IQGAP1: variants seen among roughly 807,000 people sequenced by gnomAD.
IQGAP1 encodes the protein IQ motif containing GTPase activating protein 1, also known as ras GTPase-activating-like protein IQGAP1.
IQGAP1 carries 66 observed loss-of-function variants against 215.6 expected under a neutral mutation model. That is an observed-to-expected ratio of 0.31 (90% CI 0.25 to 0.38). IQGAP1 has a LOEUF of 0.38. IQGAP1 is among the 10% of genes least tolerant of loss of function. IQGAP1 has a pLI of 1.00. For missense variants in IQGAP1, 1,712 were observed against 1,997.1 expected (o/e 0.86, Z 2.72); for synonymous variants, 772 against 728.7 (o/e 1.06, Z -0.96).
intron 3 of IQGAP1, among the ~76,000 whole-genome samples, chr15:90,427,241 C>A (rs1965236392): frequency 6.6e-6 from 1 of 151,858 alleles, no homozygotes. Flanking sequence ...CCACCTGTCT[C>A]TTAAAAAAAG....
chr15:90,486,854 A>G (rs963072195), intron 31 of IQGAP1, 100 bp from the exon 32 acceptor site: 4 of 1,200,436 alleles, frequency 3.3e-6, no homozygotes, highest in Non-Finnish European at 4.8e-6. Flanking sequence ...AGGTGATTCA[A>G]GTATTATCTT....
At chr15:90,440,636 TG>T in intron 7 of IQGAP1, 21 bp downstream of exon 7, 1 of 1,405,852 alleles carries the variant, frequency 7.1e-7, no homozygotes, top group Non-Finnish European at 9.9e-7. Context: ...AGAAATTTTG[TG>T]GGTTCAACTG....
At chr15:90,472,429 G>A (rs1965918607) in intron 18 of IQGAP1, among the ~76,000 whole-genome samples, 1 of 152,046 alleles carries the variant, frequency 6.6e-6, no homozygotes, top group Admixed American at 6.6e-5. Flanking sequence ...CTCACCTCTG[G>A]TCTCTCCCCC....
chr15:90,399,396 G>C (rs759112360), intron 2 of IQGAP1, among the ~76,000 whole-genome samples: 2 of 152,012 alleles, frequency 1.3e-5, no homozygotes, highest in Non-Finnish European at 2.9e-5. Context: ...ATTTTCTTAT[G>C]CAAATTTTCT....
At chr15:90,477,955 CTTTA>C (rs1203788602) in intron 26 of IQGAP1, 66 bp downstream of exon 26, 22 of 1,024,808 alleles carry the variant, frequency 2.1e-5, no homozygotes, top group Non-Finnish European at 3.3e-5. Flanking sequence ...TTTCCCCTCT[CTTTA>C]TTTATAAACT....
chr15:90,395,514 G>A (rs568559516), intron 2 of IQGAP1, among the ~76,000 whole-genome samples: 6 of 152,122 alleles, frequency 3.9e-5, no homozygotes, highest in Non-Finnish European at 8.8e-5. Context: ...TAGAGACGGG[G>A]TTTCACCGTG....
chr15:90,458,362 G>T (rs2151025989), intron 15 of IQGAP1, among the ~76,000 whole-genome samples: 1 of 152,244 alleles, frequency 6.6e-6, no homozygotes, highest in East Asian at 1.9e-4. Flanking sequence ...TTCGTGATTT[G>T]ATAGACACTT....
intron 15 of IQGAP1, among the ~76,000 whole-genome samples, chr15:90,457,922 A>G (rs1380557536): frequency 6.6e-6 from 1 of 152,210 alleles, no homozygotes; most frequent in Non-Finnish European, 1.5e-5. Flanking sequence ...CGTATCAGGT[A>G]ATTCAGCGTC....
chr15:90,434,803 T>C (rs1965348703), intron 5 of IQGAP1, among the ~76,000 whole-genome samples: 1 of 152,164 alleles, frequency 6.6e-6, no homozygotes, highest in African/African-American at 2.4e-5. Context: ...TGCTTAAAAA[T>C]TTTTAGATTT....
intron 17 of IQGAP1, 42 bp from the exon 18 acceptor site, chr15:90,467,408 G>T (rs779188752): frequency 6.3e-7 from 1 of 1,585,246 alleles, no homozygotes; most frequent in South Asian, 1.2e-5. Flanking sequence ...GCTGGGGAGT[G>T]TGGCTCTGGA....
At chr15:90,456,526 T>C (rs909258671) in intron 15 of IQGAP1, among the ~76,000 whole-genome samples, 7 of 152,110 alleles carry the variant, frequency 4.6e-5, no homozygotes, top group African/African-American at 1.4e-4. Context: ...TTTTGTTCTT[T>C]TGTTTGTTGT....
Position 90,496,306 on chromosome 15 carries a change from C to CTT in IQGAP1, c.4752-898_4752-897dup, listed in dbSNP as rs552222380. On this transcript the variant is annotated intron_variant, in intron 36 of 37. Transcript: ENST00000268182. ...GATCATCCAGAGAACAGCATAATCC[C>CTT]TTTTTTTTTTTTTTTTTTTTTTTTT... is the stretch of plus-strand genomic sequence containing the variant. Among the ~76,000 whole-genome samples the CTT allele has an allele frequency of 1.7e-3, 181 of 106,106 alleles. 4 individuals are homozygous for CTT. Among genetic ancestry groups the CTT allele is most frequent in the Non-Finnish European group, 2.2e-3 (119 of 54,756 alleles). The allele number at this position is 106,106 out of a possible 152,430, so 69.6% of individuals were successfully genotyped here.
intron 5 of IQGAP1, 99 bp from the exon 6 acceptor site, chr15:90,439,233 G>C: frequency 1.3e-6 from 1 of 781,170 alleles, no homozygotes; most frequent in South Asian, 1.6e-5. Context: ...TCAGTGTTCA[G>C]AATACTTCTA....
intron 9 of IQGAP1, 120 bp downstream of exon 9, chr15:90,443,598 T>C: frequency 3.3e-6 from 2 of 607,514 alleles, no homozygotes; most frequent in Non-Finnish European, 5.8e-6. Flanking sequence ...TGGATTTGTT[T>C]AGCAATAATT....
chr15:90,452,709 TTG>T, intron 11 of IQGAP1, 64 bp from the exon 12 acceptor site: 1 of 1,519,474 alleles, frequency 6.6e-7, no homozygotes. Context: ...CCCATGAAGA[TTG>T]GCACCTTCTT....
At chr15:90,497,175 G>T in intron 36 of IQGAP1, 57 bp from the exon 37 acceptor site, 1 of 913,172 alleles carries the variant, frequency 1.1e-6, no homozygotes, top group Non-Finnish European at 1.7e-6. Context: ...CCATTTCACA[G>T]AATATTTTTA....
At chr15:90,470,661 C>T (rs545596383) in intron 18 of IQGAP1, among the ~76,000 whole-genome samples, 14 of 152,260 alleles carry the variant, frequency 9.2e-5, no homozygotes, top group African/African-American at 3.4e-4. Context: ...CTACTCGTCA[C>T]TAATTCACTC....
At chr15:90,395,831 A>G (rs991879893) in intron 2 of IQGAP1, among the ~76,000 whole-genome samples, 2 of 152,250 alleles carry the variant, frequency 1.3e-5, no homozygotes, top group Non-Finnish European at 2.9e-5. Context: ...TACGATTAGT[A>G]CTGGAAATGG....
At chr15:90,477,528 G>A in intron 25 of IQGAP1, 137 bp from the exon 26 acceptor site, 1 of 690,926 alleles carries the variant, frequency 1.4e-6, no homozygotes, top group South Asian at 1.8e-5. Context: ...TGAGCGTGCA[G>A]CTGCAGGAAC....
Sources: allele counts gnomAD v4.1 joint callset (sites outside exome capture counted in the v4.1 genomes callset), GRCh38; gene constraint gnomAD v4.1.1; transcripts MANE v1.5; gene names NCBI Gene and HGNC (gene_info 2026-07-23, HGNC 2026-07-21).